DYNC1I1: variants seen among roughly 807,000 people sequenced by gnomAD.
DYNC1I1 encodes the protein cytoplasmic dynein 1 intermediate chain 1.
A neutral mutation model predicts 86.6 loss-of-function variants in DYNC1I1; 43 were observed. The ratio of observed to expected loss-of-function variants is 0.50; its 90% CI spans 0.39 to 0.64. The LOEUF (loss-of-function observed/expected upper bound fraction) is 0.64, where lower values mean the gene tolerates loss of function less well. Among genes scored for constraint, DYNC1I1 ranks in the 30% least tolerant of loss-of-function variants. The pLI, the probability that DYNC1I1 is intolerant of heterozygous loss-of-function variation, is 0.00. For synonymous variants in DYNC1I1, 262 were observed against 283.7 expected (o/e 0.92, Z 0.77); for missense variants, 604 against 788.8 (o/e 0.77, Z 2.81).
intron 14 of DYNC1I1, among the ~76,000 whole-genome samples, chr7:96,057,151 AG>A (rs1196802632): frequency 6.6e-6 from 1 of 152,180 alleles, no homozygotes; most frequent in Non-Finnish European, 1.5e-5. Context: ...TTGTTAAACA[AG>A]GTGGCCTTAA....
chr7:95,855,385 T>G (rs1247611049), intron 5 of DYNC1I1, among the ~76,000 whole-genome samples: 1 of 152,214 alleles, frequency 6.6e-6, no homozygotes, highest in African/African-American at 2.4e-5. Context: ...TGTCTTTGGT[T>G]TTTGACAGTT....
chr7:96,090,282 GT>G (rs1046462744), intron 16 of DYNC1I1, among the ~76,000 whole-genome samples: 7 of 151,878 alleles, frequency 4.6e-5, no homozygotes, highest in African/African-American at 1.7e-4. Context: ...TCTTCCACAG[GT>G]AAAACCTTCA....
chr7:95,945,785 T>C (rs1234081166), intron 6 of DYNC1I1, among the ~76,000 whole-genome samples: 1 of 152,144 alleles, frequency 6.6e-6, no homozygotes, highest in Non-Finnish European at 1.5e-5. Context: ...AGAGTGGCTG[T>C]TTAAAGAAAA....
chr7:95,978,387 G>A (rs1234786471), intron 7 of DYNC1I1, among the ~76,000 whole-genome samples: 1 of 152,148 alleles, frequency 6.6e-6, no homozygotes, highest in Non-Finnish European at 1.5e-5. Context: ...AAGAAAAGGA[G>A]GGACATGAAA....
At position 96,049,357 on chromosome 7, in the gene DYNC1I1, T is replaced by C. The variant is rs1789322594; in HGVS notation, c.1509+9936T>C. On this transcript the variant is annotated intron_variant, in intron 14 of 16. Coordinates refer to ENST00000447467, the MANE Select transcript of DYNC1I1 (RefSeq NM_001135556.2). ...AAAAGAGGCAAAGTAAAAAAAATAC[T>C]CTCTTGAAAATATTGGAAATGGAGT... Among the ~76,000 whole-genome samples, 6 of 151,976 alleles carry C rather than the reference T, an allele frequency of 3.9e-5. No homozygotes were observed. The South Asian group carries it at 1.2e-3, about 32-fold the overall frequency.
intron 14 of DYNC1I1, among the ~76,000 whole-genome samples, chr7:96,047,826 A>G (rs368687879): frequency 1.0e-3 from 158 of 152,332 alleles, no homozygotes; most frequent in African/African-American, 3.6e-3. Context: ...TCACCGCTAT[A>G]TAACTCATCC....
chr7:95,843,181 G>C (rs1174470903), intron 5 of DYNC1I1, among the ~76,000 whole-genome samples: 1 of 152,148 alleles, frequency 6.6e-6, no homozygotes, highest in Non-Finnish European at 1.5e-5. Flanking sequence ...ATCTGTAATT[G>C]TTTCCAGATC....
At chr7:95,929,163 C>A (rs757306046) in intron 6 of DYNC1I1, among the ~76,000 whole-genome samples, 2 of 152,110 alleles carry the variant, frequency 1.3e-5, no homozygotes, top group Non-Finnish European at 2.9e-5. Flanking sequence ...GTATTTTCTG[C>A]TCTTCCATCC....
At chr7:95,808,644 T>C (rs1053790455) in intron 2 of DYNC1I1, among the ~76,000 whole-genome samples, 9 of 152,200 alleles carry the variant, frequency 5.9e-5, no homozygotes, top group African/African-American at 2.2e-4. Flanking sequence ...AGGGGTTTCC[T>C]GGCCTGTCCT....
intron 15 of DYNC1I1, among the ~76,000 whole-genome samples, chr7:96,076,507 G>A (rs1790345549): frequency 6.6e-6 from 1 of 152,184 alleles, no homozygotes; most frequent in African/African-American, 2.4e-5. Flanking sequence ...ATTTGTCAGA[G>A]CCGTGTTGAA....
At chr7:95,803,474 C>G (rs1025298478) in intron 1 of DYNC1I1, among the ~76,000 whole-genome samples, 45 of 152,360 alleles carry the variant, frequency 3.0e-4, no homozygotes, top group African/African-American at 1.1e-3. Context: ...CAAATCTCCG[C>G]TGTCACACTG....
chr7:95,962,018 G>C (rs1244039651), intron 6 of DYNC1I1, among the ~76,000 whole-genome samples: 3 of 152,190 alleles, frequency 2.0e-5, no homozygotes, highest in Non-Finnish European at 2.9e-5. Context: ...TAAGCAGTCT[G>C]TTTTGGGGCC....
At chr7:95,930,367 G>A (rs1474910619) in intron 6 of DYNC1I1, among the ~76,000 whole-genome samples, 3 of 152,160 alleles carry the variant, frequency 2.0e-5, no homozygotes, top group African/African-American at 7.2e-5. Context: ...GGTTTTTAAA[G>A]GATTTCACTA....
At chr7:96,090,026 T>TTA (rs139595683) in intron 16 of DYNC1I1, among the ~76,000 whole-genome samples, 4,597 of 152,244 alleles carry the variant, frequency 0.03, 218 homozygotes, top group East Asian at 0.23. Context: ...TTATTCATGT[T>TTA]TAGAAAGTTT....
chr7:95,918,963 T>C (rs1394238210), intron 6 of DYNC1I1, among the ~76,000 whole-genome samples: 1 of 152,144 alleles, frequency 6.6e-6, no homozygotes, highest in Non-Finnish European at 1.5e-5. Flanking sequence ...TCTCAACAGT[T>C]TTAGGAACTG....
intron 6 of DYNC1I1, among the ~76,000 whole-genome samples, chr7:95,953,843 T>A (rs368454554): frequency 1.3e-5 from 2 of 152,276 alleles, no homozygotes; most frequent in East Asian, 1.9e-4. Context: ...CCTGCTGAGA[T>A]TTTCCTATTA....
At chr7:96,044,820 G>A (rs940397997) in intron 14 of DYNC1I1, among the ~76,000 whole-genome samples, 3 of 152,208 alleles carry the variant, frequency 2.0e-5, no homozygotes, top group Non-Finnish European at 2.9e-5. Context: ...GATCACAGAG[G>A]AGAATAGGAA....
chr7:95,916,878 T>C (rs1249875487), intron 6 of DYNC1I1, among the ~76,000 whole-genome samples: 1 of 152,202 alleles, frequency 6.6e-6, no homozygotes, highest in Non-Finnish European at 1.5e-5. Flanking sequence ...ACGAGAAAAC[T>C]GTCTTAAATT....
Position 96,041,070 on chromosome 7 carries a change from C to A in DYNC1I1, c.1509+1649C>A, listed in dbSNP as rs1208903195. ...ACTAACATGCAATCTGGAGGGAGAG[C>A]AATACTTAGGAAATAAATAGAAATT... On this transcript the variant is annotated intron_variant, in intron 14 of 16. Transcript: ENST00000447467. 1.3e-5 allele frequency among the ~76,000 whole-genome samples: 2 copies of A among 151,652 alleles called. 1 individual carries two copies.
Sources: allele counts gnomAD v4.1 joint callset (sites outside exome capture counted in the v4.1 genomes callset), GRCh38; gene constraint gnomAD v4.1.1; transcripts MANE v1.5; gene names NCBI Gene and HGNC (gene_info 2026-07-23, HGNC 2026-07-21).